Variants in PROM2 observed in about 807,000 individuals in gnomAD.
PROM2 encodes the protein prominin-2.
Under a neutral mutation model 110.2 loss-of-function variants are expected in PROM2, and 90 were observed. That is an observed-to-expected ratio of 0.82 (90% confidence interval 0.69 to 0.97). The LOEUF is 0.97. PROM2 is among the 50% of genes least tolerant of loss of function. The pLI is 0.00. For synonymous variants in PROM2, 470 were observed against 467.8 expected, an observed-to-expected ratio of 1.00 and a Z score of -0.06; for missense variants, 1,009 against 1,074.8, an observed-to-expected ratio of 0.94 and a Z score of 0.86.
In PROM2 at chr2:95,287,467, G is replaced by A; in HGVS notation, c.2244+3G>A. ...ACGTGGCCTGGGTGAGAGAGGAGGTGAGTGGGGCCTCAGAAGCAATGACTG... is the reference window on the plus strand; with the variant it reads ...ACGTGGCCTGGGTGAGAGAGGAGGTAAGTGGGGCCTCAGAAGCAATGACTG... On this transcript the variant is annotated splice_donor_region_variant and intron_variant, in intron 20 of 23. Coordinates refer to ENST00000317620, the MANE Select transcript of PROM2 (RefSeq NM_001165978.3). 5.6e-6 allele frequency: 9 copies of A among 1,613,738 alleles called. No homozygotes were observed. Among genetic ancestry groups the A allele is most frequent in the South Asian group, 1.1e-5 (1 of 91,072 alleles).
intron 7 of PROM2, 40 bp from the exon 8 acceptor site, chr2:95,277,890 C>T: frequency 6.4e-7 from 1 of 1,572,946 alleles, no homozygotes; most frequent in South Asian, 1.1e-5. Context: ...CTTCAGGCCT[C>T]TCCATGAACT....
At chr2:95,284,859 G>A in intron 14 of PROM2, 110 bp from the exon 15 acceptor site, 11 of 1,241,792 alleles carry the variant, frequency 8.9e-6, no homozygotes, top group Non-Finnish European at 1.2e-5. Flanking sequence ...AATTTGGAGG[G>A]GACAAATATC....
intron 1 of PROM2, 106 bp downstream of exon 1, chr2:95,274,935 G>T: frequency 2.1e-5 from 29 of 1,385,726 alleles, no homozygotes; most frequent in Non-Finnish European, 2.7e-5. Context: ...GCAGGCACTT[G>T]CCATCTTCCT....
rs1281008079 is a variant in PROM2 at position 95,285,650 on chromosome 2, C to T, written c.1887C>T (p.Pro629=). 20 of 1,600,580 alleles carry T rather than the reference C, an allele frequency of 1.2e-5. No individual in the cohort carries two copies. The highest frequency in any genetic ancestry group is 1.7e-4 in the Middle Eastern group (1 of 5,978). ...CTGTCCACCTGCAGATCCAGAGGCCCGTGGTGAAGACCAGCATGGAGCAGC... is the reference window on the plus strand; with the variant it reads ...CTGTCCACCTGCAGATCCAGAGGCCTGTGGTGAAGACCAGCATGGAGCAGC... The part of the protein sequence containing the change: ...YPDFLVQIQR[P]VVKTSMEQLA... The change falls in exon 16 of 24, where the codon CCC becomes CCT. Residue 629 remains proline, a synonymous_variant. Coordinates refer to ENST00000317620, the MANE Select transcript of PROM2 (RefSeq NM_001165978.3).
chr2:95,288,672 T>A, intron 22 of PROM2, 83 bp downstream of exon 22: 1 of 1,171,476 alleles, frequency 8.5e-7, no homozygotes, highest in Non-Finnish European at 1.2e-6. Context: ...TCACAGCCCC[T>A]CCTGAGACCT....
chr2:95,282,089 A>G, intron 13 of PROM2, 53 bp from the exon 14 acceptor site: 4 of 1,597,378 alleles, frequency 2.5e-6, no homozygotes, highest in Non-Finnish European at 8.6e-7. Flanking sequence ...AGGGGACATC[A>G]GCCCCCCCGC....
At chr2:95,286,012 C>T (rs528999326) in intron 16 of PROM2, among the ~76,000 whole-genome samples, 6 of 152,336 alleles carry the variant, frequency 3.9e-5, no homozygotes, top group Non-Finnish European at 5.9e-5. Flanking sequence ...TCTGGCCTCA[C>T]GCAGTTGGGC....
intron 7 of PROM2, 147 bp from the exon 8 acceptor site, chr2:95,277,783 C>A: frequency 1.2e-6 from 1 of 805,512 alleles, no homozygotes; most frequent in Non-Finnish European, 2.0e-6. Context: ...TTCTTGCTGC[C>A]ACCAGGGGCA....
intron 15 of PROM2, 126 bp downstream of exon 15, chr2:95,285,241 C>T (rs1043653933): frequency 2.6e-6 from 3 of 1,158,918 alleles, no homozygotes; most frequent in Non-Finnish European, 3.6e-6. Context: ...CCTGGGGCCT[C>T]TTCCTGTGGA....
intron 6 of PROM2, 122 bp from the exon 7 acceptor site, chr2:95,277,242 C>G: frequency 8.1e-7 from 1 of 1,234,990 alleles, no homozygotes. Context: ...GCAGTTTCCA[C>G]TGTAGGCAGG....
intron 8 of PROM2, chr2:95,278,239 T>C: frequency 1.7e-6 from 1 of 587,622 alleles, no homozygotes. Context: ...GGAGCAGTGC[T>C]CAGTCTGAGC....
chr2:95,284,132 G>A (rs1410155403), intron 14 of PROM2, among the ~76,000 whole-genome samples: 1 of 152,236 alleles, frequency 6.6e-6, no homozygotes, highest in African/African-American at 2.4e-5. Flanking sequence ...GCCTGTCTGG[G>A]GCTTGGGGTG....
rs774348766 is a variant in PROM2 at position 95,276,062 on chromosome 2, G to C, written c.427G>C (p.Glu143Gln). The change falls in exon 3 of 24, where the codon GAG becomes CAG. Residue 143 changes from glutamate to glutamine, a missense_variant. Transcript: ENST00000317620. This position sits in a 1 kb window ranked among gnomAD's most constrained non-coding sequence, Gnocchi z 4.6. ...GCGCTGCGGGGGACGAGTGAAGACA[G>C]AGCACAAGGCGCTGGCCTGTGAGCG... Reference protein sequence around the residue: ...HRRCGGRVKTEHKALACERAA... With the variant: ...HRRCGGRVKTQHKALACERAA... 6.2e-6 allele frequency: 10 copies of C among 1,611,374 alleles called. No individual in the cohort carries two copies. Among genetic ancestry groups the C allele is most frequent in the Non-Finnish European group, 6.8e-6 (8 of 1,179,914 alleles).
At chr2:95,281,478 G>C (rs575297373) in intron 12 of PROM2, 113 bp downstream of exon 12, 3 of 1,282,280 alleles carry the variant, frequency 2.3e-6, no homozygotes, top group African/African-American at 3.0e-5. Flanking sequence ...GAGAGAGGGA[G>C]GGGAGGAGTG....
Position 95,287,975 on chromosome 2 carries a change from C to T in PROM2, c.2245-236C>T, listed in dbSNP as rs376147600. On this transcript the variant is annotated intron_variant, in intron 20 of 23. Coordinates refer to ENST00000317620, the MANE Select transcript of PROM2 (RefSeq NM_001165978.3). ...ACACACAGTGCTGGGTCATAGTAGG[C>T]CTTAATCCAGGCTGGTGAACAGATG... Among the ~76,000 whole-genome samples the T allele has an allele frequency of 2.6e-5, 4 of 152,286 alleles. No individual in the cohort carries two copies. The East Asian group carries it at 7.7e-4, about 29-fold the overall frequency.
At position 95,277,435 on chromosome 2, in the gene PROM2, G is replaced by C; in HGVS notation, c.844G>C (p.Asp282His). 6.2e-7 allele frequency: 1 copy of C among 1,613,326 alleles called. No individual in the cohort carries two copies. Among genetic ancestry groups the C allele is most frequent in the Non-Finnish European group, 8.5e-7 (1 of 1,179,912 alleles). The change falls in exon 7 of 24, where the codon GAC (aspartate) becomes CAC (histidine). Residue 282 changes from aspartate (D) to histidine (H), a missense_variant. Coordinates refer to ENST00000317620, the MANE Select transcript of PROM2 (RefSeq NM_001165978.3). ...GGTAGAGCTGCAGGCCGGGCAGCAG[G>C]ACCTGGAGCCAGCCATCCGGGAACA... ...TVVELQAGQQ[D>H]LEPAIREHRD... is the part of the protein sequence containing the mutation.
At position 95,281,806 on chromosome 2, in the gene PROM2, G is replaced by A. The variant is rs562474449; in HGVS notation, c.1552-119G>A. 7 of 733,628 alleles carry A rather than the reference G, an allele frequency of 9.5e-6. No homozygotes were observed. The South Asian group carries it at 1.1e-4, about 12-fold the overall frequency. 45.4% of individuals were successfully genotyped at this position (733,628 alleles called of 1,614,324 possible). ...AGGCCAGGTGTGAGCTGGGGTGAGG[G>A]GATGTTTCCTACCCCTGGTCTGTGC... On this transcript the variant is annotated intron_variant, in intron 12 of 23. Coordinates refer to ENST00000317620, the MANE Select transcript of PROM2 (RefSeq NM_001165978.3).
intron 7 of PROM2, 143 bp from the exon 8 acceptor site, chr2:95,277,787 A>AGG: frequency 1.2e-6 from 1 of 805,384 alleles, no homozygotes; most frequent in Non-Finnish European, 2.0e-6. Context: ...TGCTGCCACC[A>AGG]GGGGCAGTAA....
Position 95,277,389 on chromosome 2 carries a change from G to A in PROM2, c.798G>A (p.Leu266=). The A allele has an allele frequency of 1.9e-6, 3 of 1,613,026 alleles. No individual in the cohort carries two copies. The highest frequency in any genetic ancestry group is 2.5e-6 in the Non-Finnish European group (3 of 1,179,688). ...GQVLQVSVHH[L]QTLNATVVEL... The stretch of plus-strand genomic sequence containing the variant: ...TCCTGCAGGTCTCCGTGCACCACCT[G>A]CAAACCTTGAATGCTACAGTGGTAG... Residue 266 remains leucine, a synonymous_variant, in exon 7 of 24, where the codon CTG becomes CTA. Transcript: ENST00000317620.
Sources: allele counts gnomAD v4.1 joint callset (sites outside exome capture counted in the v4.1 genomes callset), GRCh38; gene constraint gnomAD v4.1.1; non-coding constraint Gnocchi (gnomAD v3.1); transcripts MANE v1.5; gene names NCBI Gene and HGNC (gene_info 2026-07-23, HGNC 2026-07-21).